UST: variants seen among roughly 807,000 people sequenced by gnomAD.
UST encodes the protein uronyl 2-sulfotransferase.
Under a neutral mutation model 45.6 loss-of-function variants are expected in UST, and 21 were observed. The observed-to-expected ratio is 0.46, with a 90% CI of 0.33 to 0.66. UST has a LOEUF of 0.66. UST is among the 30% of genes least tolerant of loss of function. The probability of loss-of-function intolerance (pLI) is 0.02; values close to 1 mark genes in which losing one functional copy is unlikely to be tolerated. For synonymous variants in UST, 215 were observed against 200.6 expected, an observed-to-expected ratio of 1.07 and a Z score of -0.61; for missense variants, 463 against 512.4, an observed-to-expected ratio of 0.90 and a Z score of 0.93.
At chr6:148,774,286 ATAT>A (rs746752232) in intron 1 of UST, among the ~76,000 whole-genome samples, 4 of 148,886 alleles carry the variant, frequency 2.7e-5, no homozygotes, top group South Asian at 4.2e-4. Context: ...ATATATATAT[ATAT>A]AAAAATATAA....
chr6:149,066,496 T>C (rs1776731615), intron 7 of UST, among the ~76,000 whole-genome samples: 1 of 151,620 alleles, frequency 6.6e-6, no homozygotes, highest in Admixed American at 6.6e-5. Flanking sequence ...GCAGGGTGGG[T>C]AGACAAATGA....
chr6:148,795,652 T>C lies in UST; in HGVS notation c.247+47975T>C, dbSNP rs149770691. The stretch of plus-strand genomic sequence containing the variant: ...AGAATAGCTTCTTCCATTGGGGTTG[T>C]GGGATGGGCGTGGGTCTGTAGTCCA... On this transcript the variant is annotated intron_variant, in intron 1 of 7. Transcript: ENST00000367463. Among the ~76,000 whole-genome samples, 3 of 152,252 alleles carry C rather than the reference T, an allele frequency of 2.0e-5. No homozygotes were observed. The East Asian group carries it at 5.8e-4, about 29-fold the overall frequency.
intron 4 of UST, among the ~76,000 whole-genome samples, chr6:148,956,608 G>A (rs1780513773): frequency 6.6e-6 from 1 of 152,162 alleles, no homozygotes. Context: ...ATTCAGAGTG[G>A]CAGTTAAAAA....
At chr6:148,794,472 A>C (rs2114707942) in intron 1 of UST, among the ~76,000 whole-genome samples, 1 of 152,324 alleles carries the variant, frequency 6.6e-6, no homozygotes, top group South Asian at 2.1e-4. Context: ...TGATTAGAAA[A>C]TACAGAATCC....
intron 1 of UST, among the ~76,000 whole-genome samples, chr6:148,802,327 A>G (rs1025124521): frequency 1.2e-4 from 19 of 152,378 alleles, no homozygotes; most frequent in East Asian, 1.2e-3. Flanking sequence ...TAGATAGAAT[A>G]TAATAAATCA....
intron 1 of UST, among the ~76,000 whole-genome samples, chr6:148,772,699 C>T (rs1247956588): frequency 2.6e-5 from 4 of 152,150 alleles, no homozygotes; most frequent in Non-Finnish European, 5.9e-5. Flanking sequence ...GCTGGGATTA[C>T]AGGTTGAGCC....
At chr6:149,007,667 A>C (rs865812882) in intron 5 of UST, among the ~76,000 whole-genome samples, 4 of 147,988 alleles carry the variant, frequency 2.7e-5, no homozygotes, top group Admixed American at 6.7e-5. Context: ...CAGGTGATCC[A>C]CCTGCCTCGG....
chr6:149,060,774 G>A (rs893079806), intron 7 of UST, among the ~76,000 whole-genome samples: 2 of 152,208 alleles, frequency 1.3e-5, no homozygotes, highest in Non-Finnish European at 2.9e-5. Flanking sequence ...AACCTGAGAT[G>A]AGTAAGTCAG....
chr6:148,813,216 C>T (rs1196265884), intron 1 of UST, among the ~76,000 whole-genome samples: 2 of 152,120 alleles, frequency 1.3e-5, no homozygotes, highest in African/African-American at 2.4e-5. Context: ...TAAGTGCCCT[C>T]AGTTGGCTAT....
intron 2 of UST, among the ~76,000 whole-genome samples, chr6:148,936,880 A>G (rs1374570381): frequency 6.6e-6 from 1 of 151,944 alleles, no homozygotes; most frequent in Non-Finnish European, 1.5e-5. Flanking sequence ...TTTTTAGTAG[A>G]GACAGTGTTT....
At position 149,074,012 on chromosome 6, in the gene UST, C is replaced by G. The variant is rs755048718; in HGVS notation, c.1117C>G (p.Leu373Val). ...TAAGTCTCACGTCAGCAAGCCCCCC[C>G]TGAGGCCACACTTCTTTATCCCAAC... is the stretch of plus-strand genomic sequence containing the variant. ...GLKSHVSKPPLRPHFFIPTPL... is the reference protein window; with the variant it reads ...GLKSHVSKPPVRPHFFIPTPL... Residue 373 changes from leucine (L) to valine (V), a missense_variant, in exon 8 of 8, where the codon CTG becomes GTG. By Grantham distance (32) the Leu-to-Val change is conservative. This residue lies in a region of UST where 287 missense variants were observed against 374.2 expected (regional missense o/e 0.77). Transcript: ENST00000367463. 4 of 1,614,100 alleles carry G rather than the reference C, an allele frequency of 2.5e-6. No individual in the cohort carries two copies. The highest frequency in any genetic ancestry group is 1.7e-5 in the Admixed American group (1 of 59,998).
At chr6:148,770,361 G>T (rs1582799975) in intron 1 of UST, among the ~76,000 whole-genome samples, 1 of 149,954 alleles carries the variant, frequency 6.7e-6, no homozygotes, top group South Asian at 2.1e-4. Context: ...AGAAGAGCAC[G>T]TGCAAAGGCA....
intron 1 of UST, among the ~76,000 whole-genome samples, chr6:148,781,912 C>G (rs1169299188): frequency 6.6e-6 from 1 of 152,120 alleles, no homozygotes; most frequent in Non-Finnish European, 1.5e-5. Flanking sequence ...CTCAGAAAAA[C>G]AGATTCCTTT....
At chr6:148,920,499 C>T (rs1252619467) in intron 2 of UST, among the ~76,000 whole-genome samples, 1 of 152,116 alleles carries the variant, frequency 6.6e-6, no homozygotes, top group African/African-American at 2.4e-5. Flanking sequence ...CACTCCAACC[C>T]TCCTGCCCAC....
chr6:148,846,202 G>A (rs1296060010), intron 1 of UST, among the ~76,000 whole-genome samples: 2 of 150,900 alleles, frequency 1.3e-5, no homozygotes, highest in African/African-American at 4.9e-5. Context: ...CAACCCAAAT[G>A]TCCAACAATG....
intron 2 of UST, among the ~76,000 whole-genome samples, chr6:148,923,049 C>T (rs1185002234): frequency 2.0e-5 from 3 of 152,140 alleles, no homozygotes; most frequent in Non-Finnish European, 4.4e-5. Context: ...CCACCCATCT[C>T]GGCCTCCCAA....
At chr6:148,789,056 C>T (rs1259894180) in intron 1 of UST, among the ~76,000 whole-genome samples, 1 of 152,188 alleles carries the variant, frequency 6.6e-6, no homozygotes, top group Admixed American at 6.5e-5. Flanking sequence ...GTGGCAATAA[C>T]GTTTAAATGC....
intron 1 of UST, among the ~76,000 whole-genome samples, chr6:148,792,817 G>A: frequency 6.6e-6 from 1 of 152,104 alleles, no homozygotes; most frequent in Non-Finnish European, 1.5e-5. Flanking sequence ...ACAGCTGATA[G>A]GAAAGTAAAT....
chr6:148,893,137 T>G (rs1779051520), intron 2 of UST, among the ~76,000 whole-genome samples: 1 of 152,214 alleles, frequency 6.6e-6, no homozygotes, highest in Admixed American at 6.5e-5. Flanking sequence ...ATTACTGATA[T>G]CTACACTTAC....
Sources: allele counts gnomAD v4.1 joint callset (sites outside exome capture counted in the v4.1 genomes callset), GRCh38; gene constraint gnomAD v4.1.1; regional missense constraint gnomAD v4.1.1; transcripts MANE v1.5; gene names NCBI Gene and HGNC (gene_info 2026-07-23, HGNC 2026-07-21).